The following DPP10 variants were observed in gnomAD, a reference collection of about 807,000 sequenced individuals.
The protein encoded by DPP10 is dipeptidyl peptidase like 10, also known as inactive dipeptidyl peptidase 10.
A neutral mutation model predicts 120.9 loss-of-function variants in DPP10; 33 were observed. The observed-to-expected ratio is 0.27, with a 90% confidence interval of 0.21 to 0.37. The LOEUF is 0.37. DPP10 is among the 10% of genes least tolerant of loss of function. The probability of loss-of-function intolerance (pLI) is 1.00; values close to 1 mark genes in which losing one functional copy is unlikely to be tolerated. For synonymous variants in DPP10, 337 were observed against 326.1 expected (o/e 1.03, Z -0.36); for missense variants, 816 against 942.8 (o/e 0.87, Z 1.76).
rs1283389081 is a variant in DPP10 at position 115,473,545 on chromosome 2, A to G, written c.272-25965A>G. On this transcript the variant is annotated intron_variant, in intron 3 of 25. Coordinates refer to ENST00000410059, the MANE Select transcript of DPP10 (RefSeq NM_020868.6). ...ATGGGGTAAACTTTTTATAACAATTATCAATATCAGCCAATTTTTCAGAAT... is the reference window on the plus strand; with the variant it reads ...ATGGGGTAAACTTTTTATAACAATTGTCAATATCAGCCAATTTTTCAGAAT... 2.6e-5 allele frequency among the ~76,000 whole-genome samples: 4 copies of G among 152,166 alleles called. No individual in the cohort carries two copies. The East Asian group carries it at 7.7e-4, about 29-fold the overall frequency.
intron 21 of DPP10, among the ~76,000 whole-genome samples, chr2:115,835,452 A>G (rs985672012): frequency 2.0e-5 from 3 of 152,108 alleles, no homozygotes; most frequent in Admixed American, 6.5e-5. Context: ...AGAGAGGGAG[A>G]GAAAGAGAGA....
chr2:115,192,501 C>G (rs1281976244), intron 1 of DPP10, among the ~76,000 whole-genome samples: 2 of 152,224 alleles, frequency 1.3e-5, no homozygotes, highest in Non-Finnish European at 2.9e-5. Context: ...GCAGTTGGAA[C>G]AAGATTTACC....
chr2:114,680,247 ATGGGAAAC>A (rs1698939288), intron 1 of DPP10, among the ~76,000 whole-genome samples: 1 of 151,986 alleles, frequency 6.6e-6, no homozygotes, highest in South Asian at 2.1e-4. Context: ...GATGTCCCTT[ATGGGAAAC>A]TCATGCAACG....
intron 1 of DPP10, among the ~76,000 whole-genome samples, chr2:114,572,022 A>G (rs1052458375): frequency 1.3e-5 from 2 of 150,114 alleles, no homozygotes; most frequent in African/African-American, 4.9e-5. Context: ...TATTGTGTAT[A>G]TGTAGTACAT....
chr2:114,667,570 A>G (rs1011717463), intron 1 of DPP10, among the ~76,000 whole-genome samples: 4 of 152,324 alleles, frequency 2.6e-5, no homozygotes, highest in Non-Finnish European at 2.9e-5. Flanking sequence ...TTTGCCTTCA[A>G]AGAAAATGGA....
chr2:115,689,700 C>T lies in DPP10; in HGVS notation c.455C>T (p.Ser152Leu), dbSNP rs2091201440. Residue 152 changes from serine to leucine, a missense_variant, in exon 6 of 26, where the codon TCG becomes TTG. Transcript: ENST00000410059. ...AYDVKQIFHY[S>L]YTASYVIYNI... ...TTTTAATTTCAGATTTTTCATTATT[C>T]GTATACTGCTTCATATGTGATTTAC... is the stretch of plus-strand genomic sequence containing the variant. 4.5e-6 allele frequency: 7 copies of T among 1,568,706 alleles called. No homozygotes were observed. The highest frequency in any genetic ancestry group is 1.8e-5 in the Admixed American group (1 of 56,270).
intron 9 of DPP10, among the ~76,000 whole-genome samples, chr2:115,744,034 A>G (rs1559101186): frequency 6.6e-6 from 1 of 150,678 alleles, no homozygotes; most frequent in Non-Finnish European, 1.5e-5. Flanking sequence ...ATAGATGCAT[A>G]AATAGATAAA....
intron 1 of DPP10, among the ~76,000 whole-genome samples, chr2:114,766,389 T>C (rs1447165776): frequency 5.3e-5 from 8 of 152,194 alleles, no homozygotes; most frequent in Non-Finnish European, 1.2e-4. Flanking sequence ...TTCATCTTCT[T>C]GTAAAATTAA....
At chr2:114,999,932 C>T (rs539516928) in intron 1 of DPP10, among the ~76,000 whole-genome samples, 44 of 152,124 alleles carry the variant, frequency 2.9e-4, no homozygotes, top group Admixed American at 7.2e-4. Flanking sequence ...ATACTTCCTG[C>T]TAATTCATTC....
intron 1 of DPP10, among the ~76,000 whole-genome samples, chr2:114,595,909 G>A (rs1691868738): frequency 6.6e-6 from 1 of 152,210 alleles, no homozygotes; most frequent in South Asian, 2.1e-4. Flanking sequence ...TTGATAAGAG[G>A]AGATGTAGTC....
At chr2:115,288,303 G>C (rs530789928) in intron 1 of DPP10, among the ~76,000 whole-genome samples, 2 of 150,978 alleles carry the variant, frequency 1.3e-5, no homozygotes, top group South Asian at 2.1e-4. Context: ...TTTTTTTTCT[G>C]TGTTTCTTGG....
At chr2:115,016,835 A>G (rs1231163510) in intron 1 of DPP10, among the ~76,000 whole-genome samples, 3 of 152,074 alleles carry the variant, frequency 2.0e-5, no homozygotes, top group Non-Finnish European at 2.9e-5. Flanking sequence ...AGACTGGATT[A>G]AGAAAATGTG....
chr2:114,962,842 C>T (rs571644514), intron 1 of DPP10, among the ~76,000 whole-genome samples: 30 of 152,296 alleles, frequency 2.0e-4, no homozygotes, highest in African/African-American at 7.0e-4. Flanking sequence ...TCCAAAGCCT[C>T]ATCTGAATCC....
intron 1 of DPP10, among the ~76,000 whole-genome samples, chr2:114,939,273 G>C (rs1356039344): frequency 6.9e-6 from 1 of 145,856 alleles, no homozygotes; most frequent in African/African-American, 2.5e-5. Flanking sequence ...GGTGTTGAAA[G>C]GGGGGGGTGG....
chr2:114,522,493 T>C (rs1383249996), intron 1 of DPP10, among the ~76,000 whole-genome samples: 1 of 152,132 alleles, frequency 6.6e-6, no homozygotes, highest in Non-Finnish European at 1.5e-5. Context: ...TACTTAGAGA[T>C]AGGACTAAAA....
chr2:115,420,926 A>C lies in DPP10; in HGVS notation c.271+77014A>C, dbSNP rs543805222. ...ATAACTCAGAAGACAGCAGGATTTC[A>C]CTAGAGTAGATGGGGATAGAATCTA... On this transcript the variant is annotated intron_variant, in intron 3 of 25. Coordinates refer to ENST00000410059, the MANE Select transcript of DPP10 (RefSeq NM_020868.6). Among the ~76,000 whole-genome samples, 7 of 152,344 alleles carry C rather than the reference A, an allele frequency of 4.6e-5. No homozygotes were observed. The South Asian group carries it at 6.2e-4, about 14-fold the overall frequency.
At chr2:115,695,154 G>A (rs753289410) in intron 7 of DPP10, among the ~76,000 whole-genome samples, 1 of 152,156 alleles carries the variant, frequency 6.6e-6, no homozygotes, top group Non-Finnish European at 1.5e-5. Flanking sequence ...CTGAATGTAT[G>A]GGAGAAATTA....
intron 1 of DPP10, among the ~76,000 whole-genome samples, chr2:114,987,727 A>T (rs1270625972): frequency 6.6e-6 from 1 of 151,004 alleles, no homozygotes; most frequent in Non-Finnish European, 1.5e-5. Context: ...GAAAAGTGTC[A>T]GAAATATCTT....
intron 1 of DPP10, among the ~76,000 whole-genome samples, chr2:115,223,057 T>G (rs1336604837): frequency 6.6e-6 from 1 of 152,086 alleles, no homozygotes; most frequent in Non-Finnish European, 1.5e-5. Flanking sequence ...CTGTGAATGG[T>G]GTTTTAGTAT....
Sources: allele counts gnomAD v4.1 joint callset (sites outside exome capture counted in the v4.1 genomes callset), GRCh38; gene constraint gnomAD v4.1.1; transcripts MANE v1.5; gene names NCBI Gene and HGNC (gene_info 2026-07-23, HGNC 2026-07-21).